The following PCDHGA6 variants were observed in gnomAD, a reference collection of about 807,000 sequenced individuals.
PCDHGA6 encodes protocadherin gamma subfamily A, 6.
In PCDHGA6, 41 loss-of-function variants were observed where a neutral mutation model predicts 60.6. That is an observed-to-expected ratio of 0.68 (90% CI 0.53 to 0.88). The LOEUF (loss-of-function observed/expected upper bound fraction) is 0.88. Among genes scored for constraint, PCDHGA6 ranks in the 40% least tolerant of loss-of-function variants. PCDHGA6 has a pLI of 0.00. For missense variants in PCDHGA6, 1,312 were observed against 1,203.0 expected (o/e 1.09, Z -1.34); for synonymous variants, 594 against 524.4 (o/e 1.13, Z -1.81).
At chr5:141,430,351 A>G (rs923321842) in intron 1 of PCDHGA6, among the ~76,000 whole-genome samples, 5 of 152,046 alleles carry the variant, frequency 3.3e-5, no homozygotes, top group African/African-American at 1.2e-4. Flanking sequence ...CAATTCATTT[A>G]AAAGCTCATT....
intron 1 of PCDHGA6, chr5:141,388,888 T>C: frequency 6.2e-7 from 1 of 1,613,774 alleles, no homozygotes; most frequent in Non-Finnish European, 8.5e-7. Flanking sequence ...GAGGTAGAAG[T>C]CATAGATGAA....
At chr5:141,407,703 G>T (rs1016806853) in intron 1 of PCDHGA6, among the ~76,000 whole-genome samples, 1 of 152,096 alleles carries the variant, frequency 6.6e-6, no homozygotes, top group Admixed American at 6.6e-5. Context: ...ATTGTTGAAG[G>T]TGGGGTGATG....
chr5:141,389,156 T>TC, intron 1 of PCDHGA6: 1 of 1,613,950 alleles, frequency 6.2e-7, no homozygotes, highest in Non-Finnish European at 8.5e-7. Context: ...CGGCAACAGA[T>TC]CGGGGCAAGC....
Position 141,374,178 on chromosome 5 carries a change from G to T in PCDHGA6, c.95G>T (p.Arg32Leu). 3 of 1,613,614 alleles carry T rather than the reference G, an allele frequency of 1.9e-6. No homozygotes were observed. The highest frequency in any genetic ancestry group is 2.5e-6 in the Non-Finnish European group (3 of 1,179,824). ...TGGGGGGCCGCGGCAGCGCAGATCC[G>T]CTACTCTATTCCCGAGGAGCTGGAG... ...TLWGAAAAQIRYSIPEELEKG... is the reference protein window; with the variant it reads ...TLWGAAAAQILYSIPEELEKG... The change falls in exon 1 of 4, where the codon CGC becomes CTC. Residue 32 changes from arginine to leucine, a missense_variant. Physicochemically the swap from Arg to Leu is moderately radical, Grantham distance 102. Transcript: ENST00000517434.
rs777634460 is a variant in PCDHGA6 at position 141,375,881 on chromosome 5, C to T, written c.1798C>T (p.Gln600Ter). 4 of 1,613,818 alleles carry T rather than the reference C, an allele frequency of 2.5e-6. No individual in the cohort carries two copies. The South Asian group carries it at 4.4e-5, about 18-fold the overall frequency. ...GGTGGCGGTGGACAGAGACTCGGGC[C>T]AGAACGCCTGGCTGTCCTACCGCCT... ...KVVAVDRDSG[Q>*]NAWLSYRLLK... The change falls in exon 1 of 4, where the codon CAG (glutamine) becomes TAG (stop). Residue 600 changes from glutamine (Q) to a stop codon, truncating the protein, a stop_gained. Coordinates refer to ENST00000517434, the MANE Select transcript of PCDHGA6 (RefSeq NM_018919.3). LOFTEE classifies it high-confidence loss of function.
intron 1 of PCDHGA6, among the ~76,000 whole-genome samples, chr5:141,401,503 C>T (rs755118621): frequency 6.6e-6 from 1 of 151,946 alleles, no homozygotes; most frequent in Non-Finnish European, 1.5e-5. Context: ...AATCCTTTTC[C>T]ACCTCTATAT....
chr5:141,376,919 C>T (rs1232247479), intron 1 of PCDHGA6: 1 of 173,284 alleles, frequency 5.8e-6, no homozygotes, highest in Non-Finnish European at 1.2e-5. Context: ...GATCTCCTGA[C>T]CTCATGATCC....
chr5:141,501,715 C>G lies in PCDHGA6; in HGVS notation c.2484-3678C>G, dbSNP rs139761188. On this transcript the variant is annotated intron_variant, in intron 2 of 3. Coordinates refer to ENST00000517434, the MANE Select transcript of PCDHGA6 (RefSeq NM_018919.3). ...AGGGTGATTCCGAGGATAAAAAAGA[C>G]AAATATATTACCCAGTCAGCTTAGA... 1.3e-3 allele frequency among the ~76,000 whole-genome samples: 192 copies of G among 152,192 alleles called. 1 individual carries two copies. The highest frequency in any genetic ancestry group is 4.5e-3 in the African/African-American group (185 of 41,512).
chr5:141,388,747 C>T (rs1434278785), intron 1 of PCDHGA6: 2 of 1,613,862 alleles, frequency 1.2e-6, no homozygotes, highest in African/African-American at 1.3e-5. Context: ...AGCCAGATCA[C>T]CCAATTTGAC....
chr5:141,487,041 G>C lies in PCDHGA6; in HGVS notation c.2425-7766G>C, dbSNP rs149314216. On this transcript the variant is annotated intron_variant, in intron 1 of 3. Coordinates refer to ENST00000517434, the MANE Select transcript of PCDHGA6 (RefSeq NM_018919.3). The surrounding 1 kb of genome is among the most constrained non-coding windows in gnomAD (Gnocchi z 5.0). ...GATCCCAGCCTGTTTGCAGTCTCTC[G>C]ATATGCTGGGGAGGTGCGGACGGCT... 2.5e-6 allele frequency: 4 copies of C among 1,614,018 alleles called. No homozygotes were observed. Among genetic ancestry groups the C allele is most frequent in the South Asian group, 2.2e-5 (2 of 91,084 alleles).
chr5:141,413,600 T>C lies in PCDHGA6; in HGVS notation c.2424+37093T>C, dbSNP rs767830855. The C allele has an allele frequency of 3.7e-6, 6 of 1,613,868 alleles. No individual in the cohort carries two copies. The Admixed American group carries it at 8.3e-5, about 22-fold the overall frequency. Reference sequence around the variant, plus strand: ...GCTCCAAAATTCCAAGCAGAAAATCTAGACGTAAAAATTAATGAAAATGTC... The same window carrying C: ...GCTCCAAAATTCCAAGCAGAAAATCCAGACGTAAAAATTAATGAAAATGTC... On this transcript the variant is annotated intron_variant, in intron 1 of 3. Transcript: ENST00000517434.
At chr5:141,458,730 C>T (rs1239174331) in intron 1 of PCDHGA6, among the ~76,000 whole-genome samples, 1 of 151,928 alleles carries the variant, frequency 6.6e-6, no homozygotes, top group Non-Finnish European at 1.5e-5. Flanking sequence ...CCACCACATC[C>T]AGCTATTGGT....
At chr5:141,505,827 TCA>T (rs1197972266) in intron 3 of PCDHGA6, among the ~76,000 whole-genome samples, 4 of 152,072 alleles carry the variant, frequency 2.6e-5, no homozygotes, top group South Asian at 4.1e-4. Context: ...TCTCTAAACC[TCA>T]GTTTCCTCAG....
At chr5:141,467,846 A>G (rs984687278) in intron 1 of PCDHGA6, among the ~76,000 whole-genome samples, 2 of 151,926 alleles carry the variant, frequency 1.3e-5, no homozygotes, top group Non-Finnish European at 2.9e-5. Context: ...TTTTTGTAGA[A>G]TGAGATTTCA....
chr5:141,450,931 T>G (rs571428678), intron 1 of PCDHGA6, among the ~76,000 whole-genome samples: 2 of 151,650 alleles, frequency 1.3e-5, no homozygotes, highest in African/African-American at 4.8e-5. Flanking sequence ...TTCAAGCAAT[T>G]CTCCTACCTC....
intron 1 of PCDHGA6, among the ~76,000 whole-genome samples, chr5:141,444,733 G>A (rs1464370133): frequency 6.6e-6 from 1 of 152,106 alleles, no homozygotes; most frequent in Non-Finnish European, 1.5e-5. Flanking sequence ...TTTGTTGAAA[G>A]TCATTTCACT....
chr5:141,400,923 T>C (rs1453975530), intron 1 of PCDHGA6, among the ~76,000 whole-genome samples: 1 of 152,260 alleles, frequency 6.6e-6, no homozygotes, highest in Admixed American at 6.5e-5. Flanking sequence ...AAGAAACTGC[T>C]AGTAGATGTC....
rs372827164 is a variant in PCDHGA6, at chr5:141,394,334, C to T, written c.2424+17827C>T. On this transcript the variant is annotated intron_variant, in intron 1 of 3. Coordinates refer to ENST00000517434, the MANE Select transcript of PCDHGA6 (RefSeq NM_018919.3). The stretch of plus-strand genomic sequence containing the variant: ...CGCCCCTGTCCTCGTATATCTCCAT[C>T]AACTCTGACACCGGTGTCCTGTATG... The T allele has an allele frequency of 1.2e-3, 1,991 of 1,614,118 alleles. 3 individuals carry two copies. The highest frequency in any genetic ancestry group is 1.6e-3 in the Non-Finnish European group (1,898 of 1,179,978).
chr5:141,403,532 C>A (rs1313886103), intron 1 of PCDHGA6: 1 of 1,613,892 alleles, frequency 6.2e-7, no homozygotes, highest in Non-Finnish European at 8.5e-7. Context: ...AAACCCAGAG[C>A]TGGTGCTGGA....
Sources: gnomAD v4.1 joint callset for allele counts (sites outside exome capture counted in the v4.1 genomes callset) on GRCh38, gnomAD v4.1.1 for gene constraint, Gnocchi (gnomAD v3.1) non-coding constraint, MANE v1.5 for transcripts, NCBI Gene and HGNC (gene_info 2026-07-23, HGNC 2026-07-21) for gene names.